The following AFF3 variants were observed in gnomAD, a reference collection of about 807,000 sequenced individuals.
AFF3 encodes AF4/FMR2 family member 3.
A neutral mutation model predicts 129.7 loss-of-function variants in AFF3; 32 were observed. That is an observed-to-expected ratio of 0.25 (90% CI 0.19 to 0.33). The LOEUF is 0.33. AFF3 is among the 10% of genes least tolerant of loss of function. The pLI, the probability that AFF3 is intolerant of heterozygous loss-of-function variation, is 1.00. For synonymous variants in AFF3, 644 were observed against 635.4 expected, an observed-to-expected ratio of 1.01 and a Z score of -0.20; for missense variants, 1,373 against 1,592.0, an observed-to-expected ratio of 0.86 and a Z score of 2.34.
At chr2:99,888,713 C>CT (rs766275560) in intron 7 of AFF3, among the ~76,000 whole-genome samples, 160 of 147,430 alleles carry the variant, frequency 1.1e-3, no homozygotes, top group East Asian at 0.01. Context: ...AAAACTGTAT[C>CT]TTTTTTTTTT....
chr2:100,112,936 C>T (rs1691575842), intron 2 of AFF3, among the ~76,000 whole-genome samples: 1 of 152,182 alleles, frequency 6.6e-6, no homozygotes, highest in Admixed American at 6.5e-5. Flanking sequence ...CAGACAGTTA[C>T]AATTTTATGA....
intron 15 of AFF3, among the ~76,000 whole-genome samples, chr2:99,588,613 C>T (rs1678355524): frequency 6.6e-6 from 1 of 152,164 alleles, no homozygotes; most frequent in Admixed American, 6.5e-5. Flanking sequence ...GTGCCAACAC[C>T]AAAGAGAGAA....
At position 99,923,466 on chromosome 2, in the gene AFF3, C is replaced by T. The variant is rs539619937; in HGVS notation, c.873+83166G>A. ...TATTTTATTTCGTTCACATTCTACCCAAGTACTCTCAAGAGCCACAATTGC... is the reference window on the plus strand; with the variant it reads ...TATTTTATTTCGTTCACATTCTACCTAAGTACTCTCAAGAGCCACAATTGC... On this transcript the variant is annotated intron_variant, in intron 7 of 24. Coordinates refer to ENST00000672756, the MANE Select transcript of AFF3 (RefSeq NM_001386135.1). 1.7e-4 allele frequency among the ~76,000 whole-genome samples: 26 copies of T among 152,226 alleles called. 1 individual carries two copies. In the South Asian group the frequency reaches 5.0e-3, roughly 29 times the overall value.
chr2:99,558,823 C>T (rs966249488), intron 22 of AFF3, 52 bp downstream of exon 22: 6 of 1,567,684 alleles, frequency 3.8e-6, no homozygotes, highest in South Asian at 1.1e-5. Context: ...ACAAATTTGA[C>T]AGGGAGACAA....
intron 8 of AFF3, among the ~76,000 whole-genome samples, chr2:99,819,587 T>A (rs963452901): frequency 4.6e-5 from 7 of 152,218 alleles, no homozygotes; most frequent in African/African-American, 1.7e-4. Context: ...ATATGTTGAT[T>A]CACTAAGATG....
At chr2:100,131,298 A>G (rs1346077202) in intron 1 of AFF3, among the ~76,000 whole-genome samples, 1 of 152,154 alleles carries the variant, frequency 6.6e-6, no homozygotes, top group Admixed American at 6.5e-5. Flanking sequence ...CTGCCTTTTA[A>G]TATAGGTTTC....
intron 8 of AFF3, among the ~76,000 whole-genome samples, chr2:99,808,895 A>G (rs1034498433): frequency 1.3e-5 from 2 of 152,214 alleles, no homozygotes; most frequent in African/African-American, 4.8e-5. Context: ...TGTTTTTGTT[A>G]GTGCATTAAA....
At chr2:99,664,659 A>G (rs1289582436) in intron 12 of AFF3, among the ~76,000 whole-genome samples, 1 of 152,210 alleles carries the variant, frequency 6.6e-6, no homozygotes, top group Non-Finnish European at 1.5e-5. Flanking sequence ...AGAGTTCAGG[A>G]AAAGGAACAA....
At chr2:100,061,822 C>G (rs1024409361) in intron 4 of AFF3, among the ~76,000 whole-genome samples, 2 of 151,090 alleles carry the variant, frequency 1.3e-5, no homozygotes, top group Admixed American at 6.6e-5. Flanking sequence ...CTGTGATCCC[C>G]TCCACCATCA....
At chr2:99,610,407 A>G (rs1558642842) in intron 13 of AFF3, among the ~76,000 whole-genome samples, 1 of 152,212 alleles carries the variant, frequency 6.6e-6, no homozygotes, top group Non-Finnish European at 1.5e-5. Flanking sequence ...AAACTAAATT[A>G]TTGAGATACA....
intron 7 of AFF3, among the ~76,000 whole-genome samples, chr2:99,906,967 A>G (rs1385280470): frequency 6.6e-6 from 1 of 152,162 alleles, no homozygotes; most frequent in African/African-American, 2.4e-5. Flanking sequence ...TGACGACTGA[A>G]GAGCTCTCAG....
At chr2:99,805,839 C>CACACAG (rs1442641025) in intron 8 of AFF3, among the ~76,000 whole-genome samples, 1 of 151,878 alleles carries the variant, frequency 6.6e-6, no homozygotes, top group Non-Finnish European at 1.5e-5. Context: ...CACACACACA[C>CACACAG]ACACACACAC....
At chr2:99,561,867 C>T (rs1675510656) in intron 20 of AFF3, among the ~76,000 whole-genome samples, 1 of 152,152 alleles carries the variant, frequency 6.6e-6, no homozygotes, top group Non-Finnish European at 1.5e-5. Context: ...TTTAGAGACA[C>T]ATACTTGTAC....
At chr2:99,735,145 TTCG>T (rs1286661937) in intron 10 of AFF3, among the ~76,000 whole-genome samples, 2 of 152,182 alleles carry the variant, frequency 1.3e-5, no homozygotes, top group Non-Finnish European at 2.9e-5. Context: ...TCATAGTCAT[TTCG>T]TCTAGTTTTG....
chr2:100,105,276 CG>C, intron 3 of AFF3: 1 of 1,174,460 alleles, frequency 8.5e-7, no homozygotes, highest in Non-Finnish European at 1.1e-6. Context: ...GGGAATTCCC[CG>C]GCCGCCCAGG....
At chr2:100,062,544 G>A (rs1476807480) in intron 4 of AFF3, among the ~76,000 whole-genome samples, 1 of 152,168 alleles carries the variant, frequency 6.6e-6, no homozygotes, top group Non-Finnish European at 1.5e-5. Flanking sequence ...ATCTCTGGGA[G>A]GCTGGGCCTC....
At chr2:99,649,449 C>T (rs1264306557) in intron 13 of AFF3, among the ~76,000 whole-genome samples, 177 bp downstream of exon 13, 4 of 152,158 alleles carry the variant, frequency 2.6e-5, no homozygotes, top group South Asian at 4.1e-4. Flanking sequence ...TACAACAAGG[C>T]GATTTTTGCA....
chr2:99,764,997 C>A (rs758022145), intron 8 of AFF3, among the ~76,000 whole-genome samples: 1 of 152,132 alleles, frequency 6.6e-6, no homozygotes, highest in East Asian at 1.9e-4. Context: ...CACATCACTG[C>A]GTCATTTCTG....
intron 11 of AFF3, among the ~76,000 whole-genome samples, chr2:99,674,405 A>G (rs901351910): frequency 1.3e-5 from 2 of 152,198 alleles, no homozygotes; most frequent in Non-Finnish European, 2.9e-5. Flanking sequence ...CACAGAACAC[A>G]ACGCCAGTTT....
Sources: allele counts gnomAD v4.1 joint callset (sites outside exome capture counted in the v4.1 genomes callset), GRCh38; gene constraint gnomAD v4.1.1; transcripts MANE v1.5; gene names NCBI Gene and HGNC (gene_info 2026-07-23, HGNC 2026-07-21).